TDRD3: variants seen among roughly 807,000 people sequenced by gnomAD.
TDRD3 encodes the protein tudor domain containing 3, also known as tudor domain-containing protein 3.
TDRD3 carries 45 observed loss-of-function variants against 86.7 expected under a neutral mutation model. The observed-to-expected ratio is 0.52, with a 90% CI of 0.41 to 0.67. The LOEUF is 0.67. Ranked by LOEUF, TDRD3 falls within the 30% of genes least tolerant of loss-of-function variation. TDRD3 has a pLI of 0.00. For missense variants in TDRD3, 814 were observed against 889.0 expected, an observed-to-expected ratio of 0.92 and a Z score of 1.07; for synonymous variants, 298 against 301.7, an observed-to-expected ratio of 0.99 and a Z score of 0.13.
At chr13:60,484,668 A>G in intron 6 of TDRD3, 1 of 447,606 alleles carries the variant, frequency 2.2e-6, no homozygotes, top group Non-Finnish European at 4.5e-6. Context: ...TTAAAAAATA[A>G]TGTTGATTTT....
At position 60,485,935 on chromosome 13, in the gene TDRD3, C is replaced by G; in HGVS notation, c.704C>G (p.Ala235Gly). The G allele has an allele frequency of 6.2e-7, 1 of 1,607,640 alleles. No individual in the cohort carries two copies. The highest frequency in any genetic ancestry group is 1.3e-5 in the African/African-American group (1 of 74,678). The part of the protein sequence containing the change: ...KQRTAAIAEV[A>G]KSKETKTFGG... ...AGGACGGCTGCTATTGCTGAAGTTG[C>G]AAAGAGCAAGGAAGTAAGAAATCAA... Residue 235 changes from alanine to glycine, a missense_variant, in exon 7 of 14, where the codon GCA becomes GGA. Physicochemically the swap from Ala to Gly is moderately conservative, Grantham distance 60. Coordinates refer to ENST00000377881, the MANE Select transcript of TDRD3 (RefSeq NM_001146070.2).
rs1460827313 is a variant in TDRD3, at chr13:60,469,075, A to G, written c.495+1696A>G. On this transcript the variant is annotated intron_variant, in intron 5 of 13. Transcript: ENST00000377881. ...TATTCCTTAGTACTAATTTCTTATG[A>G]TACTAATGTGCTGTGATTTGGGTTG... is the stretch of plus-strand genomic sequence containing the variant. 3.9e-5 allele frequency among the ~76,000 whole-genome samples: 6 copies of G among 152,280 alleles called. No individual in the cohort carries two copies. The South Asian group carries it at 1.0e-3, about 26-fold the overall frequency.
rs556502007 is a variant in TDRD3, at chr13:60,437,196, G to A, written c.42-2492G>A. Among the ~76,000 whole-genome samples, 9 of 137,200 alleles carry A rather than the reference G, an allele frequency of 6.6e-5. No individual in the cohort carries two copies. The East Asian group carries it at 1.3e-3, about 19-fold the overall frequency. The allele number at this position is 137,200 out of a possible 152,430, so 90.0% of individuals were successfully genotyped here. A position where few individuals can be genotyped will look rare whatever the true frequency, so the allele number is the denominator to read the frequency against. On this transcript the variant is annotated intron_variant, in intron 1 of 13. Coordinates refer to ENST00000377881, the MANE Select transcript of TDRD3 (RefSeq NM_001146070.2). Reference sequence around the variant, plus strand: ...GGCTGGAGTGCAATGGCATGATCTCGGCTCACTGCAACCTCTGCCTCCCGG... The same window carrying A: ...GGCTGGAGTGCAATGGCATGATCTCAGCTCACTGCAACCTCTGCCTCCCGG...
intron 11 of TDRD3, among the ~76,000 whole-genome samples, chr13:60,533,572 C>T (rs1186206525): frequency 6.6e-6 from 1 of 151,884 alleles, no homozygotes; most frequent in African/African-American, 2.4e-5. Context: ...ACCCGAGAGG[C>T]GGAGGTTGCA....
At chr13:60,551,347 T>A (rs191730052) in intron 12 of TDRD3, among the ~76,000 whole-genome samples, 359 of 152,350 alleles carry the variant, frequency 2.4e-3, no homozygotes, top group Non-Finnish European at 3.5e-3. Flanking sequence ...AACATTTTGT[T>A]AGGTCATTGA....
At chr13:60,453,561 T>C (rs1408373621) in intron 3 of TDRD3, among the ~76,000 whole-genome samples, 1 of 152,160 alleles carries the variant, frequency 6.6e-6, no homozygotes, top group African/African-American at 2.4e-5. Context: ...ACTTGGGAAG[T>C]GCAATTCTAG....
chr13:60,438,640 G>T (rs1230770256), intron 1 of TDRD3, among the ~76,000 whole-genome samples: 1 of 152,014 alleles, frequency 6.6e-6, no homozygotes, highest in Non-Finnish European at 1.5e-5. Context: ...TTACTTTGGA[G>T]AAATTATTCT....
chr13:60,407,485 G>C (rs546989916), intron 1 of TDRD3, among the ~76,000 whole-genome samples: 3 of 152,274 alleles, frequency 2.0e-5, no homozygotes, highest in Admixed American at 2.0e-4. Flanking sequence ...GAAATAGCCT[G>C]TTATAGAAAG....
rs573186379 is a variant in TDRD3, at chr13:60,492,381, T to A, written c.718-2054T>A. On this transcript the variant is annotated intron_variant, in intron 7 of 13. Coordinates refer to ENST00000377881, the MANE Select transcript of TDRD3 (RefSeq NM_001146070.2). ...TGAGTGTTTGCCATGTGCCAGCTAC[T>A]GAGATAATCACTTCATATCAATGAT... Among the ~76,000 whole-genome samples the A allele has an allele frequency of 3.2e-4, 48 of 152,332 alleles. 1 individual carries two copies. Among genetic ancestry groups the A allele is most frequent in the African/African-American group, 1.1e-3 (47 of 41,578 alleles).
chr13:60,516,381 A>G (rs1672708769), intron 10 of TDRD3, among the ~76,000 whole-genome samples: 1 of 152,122 alleles, frequency 6.6e-6, no homozygotes, highest in Non-Finnish European at 1.5e-5. Context: ...TTTCTTAGAA[A>G]TTTTTCTCAG....
In TDRD3 at chr13:60,512,442, G is replaced by T. The variant is rs147170733; in HGVS notation, c.1141+1687G>T. On this transcript the variant is annotated intron_variant, in intron 10 of 13. Transcript: ENST00000377881. The stretch of plus-strand genomic sequence containing the variant: ...ACCAATCATGCCTTCGCAACAGTCC[G>T]CCAAAGTCTTAACTCATTTCAGCAT... Among the ~76,000 whole-genome samples the T allele has an allele frequency of 5.0e-3, 757 of 152,072 alleles. 3 individuals are homozygous for T. The highest frequency in any genetic ancestry group is 0.024 in the Middle Eastern group (7 of 294).
At chr13:60,420,413 T>G (rs147534052) in intron 1 of TDRD3, among the ~76,000 whole-genome samples, 1 of 152,116 alleles carries the variant, frequency 6.6e-6, no homozygotes, top group Non-Finnish European at 1.5e-5. Context: ...GGGCTTTTTA[T>G]GTCCTGTTCA....
chr13:60,537,063 A>C (rs1323703478), intron 12 of TDRD3: 5 of 152,048 alleles, frequency 3.3e-5, no homozygotes, highest in Non-Finnish European at 7.4e-5. Context: ...TTATTATGTC[A>C]TTTATTAACC....
intron 8 of TDRD3, among the ~76,000 whole-genome samples, chr13:60,509,338 T>C (rs1322612089): frequency 6.6e-6 from 1 of 152,102 alleles, no homozygotes; most frequent in Non-Finnish European, 1.5e-5. Context: ...GGGGGTATCA[T>C]TTTGTTAGCT....
chr13:60,478,801 C>CTTTTTTTTTTTTTTTTTTTTTTTTGTTT (rs202146264), intron 5 of TDRD3, among the ~76,000 whole-genome samples: 1 of 104,450 alleles, frequency 9.6e-6, no homozygotes, highest in Admixed American at 1.0e-4. Flanking sequence ...AATTTGAGGA[C>CTTTTTTTTTTTTTTTTTTTTTTTTGTTT]TTTTTTTTTT....
At chr13:60,497,451 G>A (rs1482620627) in intron 8 of TDRD3, among the ~76,000 whole-genome samples, 2 of 152,190 alleles carry the variant, frequency 1.3e-5, no homozygotes. Context: ...TTGGTCGGGT[G>A]TGAACTAAGC....
At chr13:60,520,151 G>A (rs1957259386) in intron 10 of TDRD3, among the ~76,000 whole-genome samples, 1 of 152,064 alleles carries the variant, frequency 6.6e-6, no homozygotes, top group African/African-American at 2.4e-5. Context: ...AATTTAATAT[G>A]TGTTGTATCT....
At chr13:60,497,532 C>A (rs555532641) in intron 8 of TDRD3, among the ~76,000 whole-genome samples, 30 of 152,312 alleles carry the variant, frequency 2.0e-4, no homozygotes, top group African/African-American at 7.2e-4. Flanking sequence ...CCTAGGAAAT[C>A]CAGCTAGTCC....
At chr13:60,498,118 A>G (rs1280036953) in intron 8 of TDRD3, among the ~76,000 whole-genome samples, 1 of 152,190 alleles carries the variant, frequency 6.6e-6, no homozygotes, top group Non-Finnish European at 1.5e-5. Context: ...ACAATGGCTT[A>G]GGGAGATTGG....
Sources: gnomAD v4.1 joint callset for allele counts (sites outside exome capture counted in the v4.1 genomes callset) on GRCh38, gnomAD v4.1.1 for gene constraint, MANE v1.5 for transcripts, NCBI Gene and HGNC (gene_info 2026-07-23, HGNC 2026-07-21) for gene names.